Variants in GALNTL6 observed in about 807,000 individuals in gnomAD.
GALNTL6 encodes polypeptide N-acetylgalactosaminyltransferase like 6, also known as polypeptide N-acetylgalactosaminyltransferase-like 6.
In GALNTL6, 46 loss-of-function variants were observed where a neutral mutation model predicts 73.7. That is an observed-to-expected ratio of 0.62 (90% confidence interval 0.49 to 0.80). The LOEUF (loss-of-function observed/expected upper bound fraction) is 0.80, where lower values mean the gene tolerates loss of function less well. Ranked by LOEUF, GALNTL6 falls within the 30% of genes least tolerant of loss-of-function variation. The pLI, the probability that GALNTL6 is intolerant of heterozygous loss-of-function variation, is 0.00. For missense variants in GALNTL6, 604 were observed against 755.0 expected, an observed-to-expected ratio of 0.80 and a Z score of 2.34; for synonymous variants, 259 against 263.7, an observed-to-expected ratio of 0.98 and a Z score of 0.17.
intron 5 of GALNTL6, among the ~76,000 whole-genome samples, chr4:172,654,909 C>T (rs775004362): frequency 1.3e-5 from 2 of 152,102 alleles, no homozygotes; most frequent in Admixed American, 6.5e-5. Flanking sequence ...ATCCTCACGA[C>T]GTTCTAGTAG....
intron 2 of GALNTL6, among the ~76,000 whole-genome samples, chr4:172,194,854 A>C (rs1246945190): frequency 6.6e-6 from 1 of 152,238 alleles, no homozygotes. Context: ...ACTGAAGTAC[A>C]CACACCAATG....
intron 2 of GALNTL6, among the ~76,000 whole-genome samples, chr4:172,101,854 A>G (rs1732529031): frequency 1.3e-5 from 2 of 152,098 alleles, no homozygotes; most frequent in Non-Finnish European, 2.9e-5. Context: ...AATAATTCCT[A>G]AAGTATTTTA....
intron 2 of GALNTL6, among the ~76,000 whole-genome samples, chr4:172,180,706 AC>A (rs1253258546): frequency 6.6e-6 from 1 of 151,928 alleles, no homozygotes; most frequent in Non-Finnish European, 1.5e-5. Flanking sequence ...TCAATAGGGA[AC>A]CCTTTCCCCA....
At chr4:172,368,340 C>T (rs1742647147) in intron 5 of GALNTL6, among the ~76,000 whole-genome samples, 1 of 152,094 alleles carries the variant, frequency 6.6e-6, no homozygotes, top group Admixed American at 6.5e-5. Flanking sequence ...GAGATCACGC[C>T]ATTGCACTCC....
chr4:172,168,011 T>C (rs1734687846), intron 2 of GALNTL6, among the ~76,000 whole-genome samples: 1 of 150,924 alleles, frequency 6.6e-6, no homozygotes, highest in Non-Finnish European at 1.5e-5. Context: ...CCAAATCCAA[T>C]GATTCTGTTT....
chr4:172,447,254 G>T (rs890548442), intron 5 of GALNTL6, among the ~76,000 whole-genome samples: 6 of 152,164 alleles, frequency 3.9e-5, no homozygotes, highest in Non-Finnish European at 7.4e-5. Flanking sequence ...CCTGCCTGCA[G>T]TGCCTTCACT....
intron 5 of GALNTL6, among the ~76,000 whole-genome samples, chr4:172,807,893 G>A (rs188255921): frequency 1.1e-3 from 168 of 152,286 alleles, no homozygotes; most frequent in African/African-American, 3.9e-3. Flanking sequence ...TGCGATCTCA[G>A]CTCACTGCAA....
intron 7 of GALNTL6, among the ~76,000 whole-genome samples, chr4:172,858,350 A>C (rs1307106951): frequency 6.6e-6 from 1 of 152,224 alleles, no homozygotes; most frequent in Non-Finnish European, 1.5e-5. Flanking sequence ...ACCTGCAAAA[A>C]TGTAAGATCT....
intron 5 of GALNTL6, among the ~76,000 whole-genome samples, chr4:172,496,593 G>A (rs1159035301): frequency 6.6e-6 from 1 of 152,062 alleles, no homozygotes; most frequent in Non-Finnish European, 1.5e-5. Context: ...TGAGGTGGGG[G>A]GATCACTTGA....
chr4:172,716,786 C>T (rs563257036), intron 5 of GALNTL6, among the ~76,000 whole-genome samples: 2 of 152,262 alleles, frequency 1.3e-5, no homozygotes, highest in South Asian at 2.1e-4. Context: ...AAGTAGCCAT[C>T]GCTACTGGTT....
At chr4:171,945,397 A>G (rs1159345740) in intron 2 of GALNTL6, among the ~76,000 whole-genome samples, 1 of 152,120 alleles carries the variant, frequency 6.6e-6, no homozygotes, top group Non-Finnish European at 1.5e-5. Context: ...GAGAAGATTA[A>G]TAGCTGCTAG....
intron 4 of GALNTL6, 24 bp from the exon 5 acceptor site, chr4:172,348,499 C>T: frequency 5.0e-6 from 8 of 1,593,714 alleles, no homozygotes; most frequent in Non-Finnish European, 6.9e-6. Context: ...TTTGACACAC[C>T]ATTTTCTTTT....
chr4:172,224,826 G>A (rs2110956174), intron 2 of GALNTL6, among the ~76,000 whole-genome samples: 1 of 152,210 alleles, frequency 6.6e-6, no homozygotes, highest in Middle Eastern at 3.4e-3. Context: ...CATTGCCCTT[G>A]AGTAATGTTT....
chr4:172,837,329 A>G (rs1031744533), intron 7 of GALNTL6, among the ~76,000 whole-genome samples: 2 of 152,206 alleles, frequency 1.3e-5, no homozygotes, highest in African/African-American at 4.8e-5. Flanking sequence ...TATAGAGTAC[A>G]TAGCAGATCA....
chr4:172,246,766 C>T (rs756113344), intron 3 of GALNTL6, among the ~76,000 whole-genome samples: 1 of 149,536 alleles, frequency 6.7e-6, no homozygotes, highest in East Asian at 2.0e-4. Context: ...TCAGAAAAGT[C>T]GTGTTTTAAG....
chr4:172,393,982 A>G (rs1378373086), intron 5 of GALNTL6, among the ~76,000 whole-genome samples: 1 of 152,206 alleles, frequency 6.6e-6, no homozygotes, highest in African/African-American at 2.4e-5. Flanking sequence ...TAAAGAAACC[A>G]TACATAAAAG....
At chr4:172,752,011 G>C (rs532616278) in intron 5 of GALNTL6, among the ~76,000 whole-genome samples, 2 of 140,566 alleles carry the variant, frequency 1.4e-5, no homozygotes, top group Non-Finnish European at 3.0e-5. Flanking sequence ...AGAGGAATAA[G>C]TAATTATGTT....
At chr4:172,034,208 CT>C (rs1375363637) in intron 2 of GALNTL6, among the ~76,000 whole-genome samples, 1 of 152,086 alleles carries the variant, frequency 6.6e-6, no homozygotes, top group Non-Finnish European at 1.5e-5. Context: ...CTAACCTCCC[CT>C]GTGCCTGAGT....
chr4:172,294,153 C>T (rs1040085319), intron 3 of GALNTL6, among the ~76,000 whole-genome samples: 4 of 151,798 alleles, frequency 2.6e-5, no homozygotes, highest in African/African-American at 7.2e-5. Context: ...AATCAAAAGG[C>T]GTATATCTCC....
Sources: allele counts gnomAD v4.1 joint callset (sites outside exome capture counted in the v4.1 genomes callset), GRCh38; gene constraint gnomAD v4.1.1; transcripts MANE v1.5; gene names NCBI Gene and HGNC (gene_info 2026-07-23, HGNC 2026-07-21).